The following MEGF10 variants were observed in gnomAD, a reference collection of about 807,000 sequenced individuals.
The protein encoded by MEGF10 is multiple EGF like domains 10.
Under a neutral mutation model 147.5 loss-of-function variants are expected in MEGF10, and 86 were observed. The observed-to-expected ratio is 0.58, with a 90% CI of 0.49 to 0.70. MEGF10 has a LOEUF of 0.70. Ranked by LOEUF, MEGF10 falls within the 30% of genes least tolerant of loss-of-function variation. The pLI is 0.00. For missense variants in MEGF10, 1,329 were observed against 1,487.3 expected (o/e 0.89, Z 1.75); for synonymous variants, 478 against 525.5 (o/e 0.91, Z 1.24).
chr5:127,455,719 G>A (rs1387944219), intron 24 of MEGF10, 112 bp downstream of exon 24: 1 of 785,468 alleles, frequency 1.3e-6, no homozygotes. Context: ...GAAAATAATG[G>A]TCCGTATTTT....
intron 8 of MEGF10, among the ~76,000 whole-genome samples, chr5:127,409,189 A>G (rs1008131570): frequency 1.3e-5 from 2 of 152,208 alleles, no homozygotes; most frequent in African/African-American, 4.8e-5. Flanking sequence ...TGGAAACACT[A>G]TTTCTTTGAA....
chr5:127,337,812 C>T (rs1761525237), intron 2 of MEGF10, among the ~76,000 whole-genome samples: 1 of 152,100 alleles, frequency 6.6e-6, no homozygotes, highest in South Asian at 2.1e-4. Flanking sequence ...AGGTTATCTG[C>T]TGAACATCTC....
At chr5:127,455,358 C>A in intron 23 of MEGF10, 43 bp from the exon 24 acceptor site, 1 of 1,487,362 alleles carries the variant, frequency 6.7e-7, no homozygotes, top group Non-Finnish European at 9.3e-7. Flanking sequence ...ATGATGTTGC[C>A]AGTGACACAG....
chr5:127,246,942 A>G, the MEGF10 span, among the ~76,000 whole-genome samples: 5 of 880 alleles, frequency 5.7e-3, no homozygotes, highest in Non-Finnish European at 0.011. Flanking sequence ...ATATGATTAT[A>G]TTATATATAA....
the MEGF10 span, among the ~76,000 whole-genome samples, chr5:127,247,452 G>T: frequency 7.8e-6 from 1 of 128,020 alleles, no homozygotes; most frequent in African/African-American, 3.0e-5. Flanking sequence ...AGAAGAAGAA[G>T]AAGAAGAAGA....
chr5:127,262,395 A>G, the MEGF10 span, among the ~76,000 whole-genome samples: 1 of 152,156 alleles, frequency 6.6e-6, no homozygotes, highest in African/African-American at 2.4e-5. Flanking sequence ...CAAGTCTGGA[A>G]CTAAAATTAG....
At chr5:127,430,147 G>A (rs1309105646) in intron 13 of MEGF10, among the ~76,000 whole-genome samples, 1 of 152,078 alleles carries the variant, frequency 6.6e-6, no homozygotes, top group African/African-American at 2.4e-5. Context: ...GCAGAGCAGG[G>A]TGTGCCTGTT....
At chr5:127,257,897 A>G in the MEGF10 span, among the ~76,000 whole-genome samples, 1 of 152,224 alleles carries the variant, frequency 6.6e-6, no homozygotes. Flanking sequence ...GCTGTCACAA[A>G]GAGTAAACAG....
intron 9 of MEGF10, among the ~76,000 whole-genome samples, chr5:127,414,557 A>T (rs1764684932): frequency 6.6e-6 from 1 of 152,174 alleles, no homozygotes; most frequent in Non-Finnish European, 1.5e-5. Flanking sequence ...TGACATTTTA[A>T]AAACGAATTT....
At chr5:127,408,867 A>G (rs938340593) in intron 8 of MEGF10, among the ~76,000 whole-genome samples, 4 of 152,166 alleles carry the variant, frequency 2.6e-5, no homozygotes, top group Non-Finnish European at 5.9e-5. Context: ...ACTTGAGTCT[A>G]GGAGTTTGAA....
chr5:127,380,596 C>T (rs989555899), intron 5 of MEGF10, among the ~76,000 whole-genome samples: 2 of 151,716 alleles, frequency 1.3e-5, no homozygotes. Context: ...TGGCTCACTG[C>T]AACCCCCGCC....
At chr5:127,294,799 A>AAATAATAAT (rs200086613) in intron 1 of MEGF10, among the ~76,000 whole-genome samples, 1,711 of 108,034 alleles carry the variant, frequency 0.016, 23 homozygotes, top group East Asian at 0.032. Context: ...ACTCTGTCTC[A>AAATAATAAT]AATAATAATA....
chr5:127,460,601 C>T lies in MEGF10; in HGVS notation c.*3283C>T, dbSNP rs1766527210. Reference sequence around the variant, plus strand: ...GGTCATCTTGACCCCCAAAGAGCCACAGTAGCTGTCAATTATTGAGATTTT... The same window carrying T: ...GGTCATCTTGACCCCCAAAGAGCCATAGTAGCTGTCAATTATTGAGATTTT... On this transcript the variant is annotated 3_prime_UTR_variant, in exon 25 of 25. Transcript: ENST00000503335. 6.6e-6 allele frequency: 1 copy of T among 152,124 alleles called. No individual in the cohort carries two copies. The highest frequency in any genetic ancestry group is 2.4e-5 in the African/African-American group (1 of 41,434). The allele number at this position is 152,124 out of a possible 1,614,324, so 9.4% of individuals were successfully genotyped here.
At chr5:127,324,677 C>T (rs1418112628) in intron 1 of MEGF10, among the ~76,000 whole-genome samples, 1 of 152,098 alleles carries the variant, frequency 6.6e-6, no homozygotes, top group Non-Finnish European at 1.5e-5. Flanking sequence ...GTTAATCTCC[C>T]AAACACCTCT....
chr5:127,244,830 T>A, the MEGF10 span, among the ~76,000 whole-genome samples: 1 of 152,118 alleles, frequency 6.6e-6, no homozygotes, highest in Non-Finnish European at 1.5e-5. Context: ...TCACGTATAC[T>A]TTTAAAAAAA....
At chr5:127,437,435 A>G (rs1425498563) in intron 16 of MEGF10, among the ~76,000 whole-genome samples, 1 of 152,172 alleles carries the variant, frequency 6.6e-6, no homozygotes, top group Non-Finnish European at 1.5e-5. Flanking sequence ...CAATTATGGA[A>G]GAATTTTTTT....
At chr5:127,301,261 C>G (rs1759755726) in intron 1 of MEGF10, among the ~76,000 whole-genome samples, 2 of 152,140 alleles carry the variant, frequency 1.3e-5, no homozygotes, top group East Asian at 3.8e-4. Context: ...TTGAGAAGAC[C>G]CTTGTCCTCC....
At chr5:127,410,243 C>T in intron 8 of MEGF10, 146 bp from the exon 9 acceptor site, 2 of 709,132 alleles carry the variant, frequency 2.8e-6, no homozygotes, top group South Asian at 1.7e-5. Context: ...TAACGCTTTT[C>T]ATCCGTGTAA....
At chr5:127,442,149 A>G (rs1224532578) in intron 18 of MEGF10, among the ~76,000 whole-genome samples, 1 of 152,226 alleles carries the variant, frequency 6.6e-6, no homozygotes, top group Non-Finnish European at 1.5e-5. Context: ...GTCTTATTAA[A>G]TAAGAAAACC....
Sources: gnomAD v4.1 joint callset for allele counts (sites outside exome capture counted in the v4.1 genomes callset) on GRCh38, gnomAD v4.1.1 for gene constraint, MANE v1.5 for transcripts, NCBI Gene and HGNC (gene_info 2026-07-23, HGNC 2026-07-21) for gene names.